GRK3: variants seen among roughly 807,000 people sequenced by gnomAD.
The protein encoded by GRK3 is G protein-coupled receptor kinase 3.
A neutral mutation model predicts 95.7 loss-of-function variants in GRK3; 54 were observed. That is an observed-to-expected ratio of 0.56 (90% CI 0.45 to 0.71). The LOEUF (loss-of-function observed/expected upper bound fraction) is 0.71. GRK3 is among the 30% of genes least tolerant of loss of function. The pLI, the probability that GRK3 is intolerant of heterozygous loss-of-function variation, is 0.00. For missense variants in GRK3, 649 were observed against 851.2 expected, an observed-to-expected ratio of 0.76 and a Z score of 2.96; for synonymous variants, 281 against 290.8, an observed-to-expected ratio of 0.97 and a Z score of 0.34.
intron 1 of GRK3, among the ~76,000 whole-genome samples, chr22:25,591,910 T>G (rs926076614): frequency 6.6e-6 from 1 of 152,248 alleles, no homozygotes; most frequent in Non-Finnish European, 1.5e-5. Flanking sequence ...GCTTCCAGCT[T>G]TTGACCATCA....
chr22:25,586,949 A>G (rs1279985117), intron 1 of GRK3, among the ~76,000 whole-genome samples: 1 of 150,096 alleles, frequency 6.7e-6, no homozygotes. Flanking sequence ...GCATGGCACG[A>G]TCTCAGCTCA....
At chr22:25,595,900 T>A (rs2084369317) in intron 1 of GRK3, among the ~76,000 whole-genome samples, 1 of 152,178 alleles carries the variant, frequency 6.6e-6, no homozygotes, top group South Asian at 2.1e-4. Flanking sequence ...TGAGCTATGA[T>A]CACACCACTG....
chr22:25,668,685 A>T (rs556827942), intron 6 of GRK3, among the ~76,000 whole-genome samples: 1 of 152,302 alleles, frequency 6.6e-6, no homozygotes, highest in Admixed American at 6.5e-5. Context: ...CATCAAAGGG[A>T]GAGGGTGGGC....
At chr22:25,568,184 G>A (rs1445010109) in intron 1 of GRK3, among the ~76,000 whole-genome samples, 1 of 152,156 alleles carries the variant, frequency 6.6e-6, no homozygotes, top group Non-Finnish European at 1.5e-5. Context: ...TTTACATCAT[G>A]TTGGAAAAGA....
At chr22:25,639,597 G>A (rs184351480) in intron 2 of GRK3, among the ~76,000 whole-genome samples, 11 of 152,214 alleles carry the variant, frequency 7.2e-5, no homozygotes, top group South Asian at 4.1e-4. Flanking sequence ...ATTGGATAGC[G>A]TTAAGGCTTT....
intron 2 of GRK3, among the ~76,000 whole-genome samples, chr22:25,637,125 C>G (rs929552694): frequency 1.3e-5 from 2 of 152,200 alleles, no homozygotes; most frequent in African/African-American, 4.8e-5. Context: ...TTCTCCTGCC[C>G]TTGGACATTG....
intron 9 of GRK3, among the ~76,000 whole-genome samples, chr22:25,681,435 G>T (rs540337674): frequency 6.6e-6 from 1 of 152,048 alleles, no homozygotes; most frequent in African/African-American, 2.4e-5. Context: ...GCCAGTGCAC[G>T]TGGCTCCTCT....
chr22:25,662,296 G>A (rs2084914372), intron 4 of GRK3, among the ~76,000 whole-genome samples: 1 of 152,212 alleles, frequency 6.6e-6, no homozygotes, highest in African/African-American at 2.4e-5. Context: ...CTGGCCTGCT[G>A]TATCAACGCA....
intron 3 of GRK3, among the ~76,000 whole-genome samples, chr22:25,646,033 A>T (rs1332868729): frequency 6.6e-6 from 1 of 152,112 alleles, no homozygotes; most frequent in Non-Finnish European, 1.5e-5. Context: ...TTACCTGCTT[A>T]CCAGAGTACA....
intron 2 of GRK3, among the ~76,000 whole-genome samples, chr22:25,642,674 G>A (rs1016698206): frequency 3.3e-5 from 5 of 152,036 alleles, no homozygotes; most frequent in Non-Finnish European, 2.9e-5. Context: ...ATGTCCATGT[G>A]TACCCATTGT....
chr22:25,669,460 A>C (rs935184388), intron 6 of GRK3, among the ~76,000 whole-genome samples: 1 of 152,164 alleles, frequency 6.6e-6, no homozygotes, highest in Non-Finnish European at 1.5e-5. Context: ...AGTTAAAAAC[A>C]CTTCTCCTAC....
chr22:25,668,796 G>A (rs1186637904), intron 6 of GRK3, among the ~76,000 whole-genome samples: 1 of 152,132 alleles, frequency 6.6e-6, no homozygotes, highest in Non-Finnish European at 1.5e-5. Context: ...CCTAACTTTT[G>A]TGTGATCCTT....
In GRK3 at chr22:25,700,610, C is replaced by T. The variant is rs111765734; in HGVS notation, c.1161-2900C>T. Among the ~76,000 whole-genome samples, 621 of 152,256 alleles carry T rather than the reference C, an allele frequency of 4.1e-3. 2 individuals are homozygous for T. The highest frequency in any genetic ancestry group is 0.014 in the African/African-American group (589 of 41,542). On this transcript the variant is annotated intron_variant, in intron 13 of 20. Transcript: ENST00000324198. ...GTATTTTATTTTATTTTATTTGAGA[C>T]GGCGTCTCGCTCTATTGCCCAGGCT... is the stretch of plus-strand genomic sequence containing the variant.
At chr22:25,609,835 G>A (rs1413677734) in intron 2 of GRK3, among the ~76,000 whole-genome samples, 2 of 148,400 alleles carry the variant, frequency 1.3e-5, no homozygotes, top group African/African-American at 5.0e-5. Flanking sequence ...CAAAAACTTT[G>A]CAATTTTTAC....
rs529779575 is a variant in GRK3, at chr22:25,605,258, C to T, written c.190+805C>T. Among the ~76,000 whole-genome samples, 14 of 152,326 alleles carry T rather than the reference C, an allele frequency of 9.2e-5. No individual in the cohort carries two copies. In the South Asian group the frequency reaches 2.9e-3, roughly 32 times the overall value. On this transcript the variant is annotated intron_variant, in intron 2 of 20. Coordinates refer to ENST00000324198, the MANE Select transcript of GRK3 (RefSeq NM_005160.4). Reference sequence around the variant, plus strand: ...TGACATTGGTCTGTCTGTGCCTGAGCACTGTGTGGAAAGTGATTGGTCTTT... The same window carrying T: ...TGACATTGGTCTGTCTGTGCCTGAGTACTGTGTGGAAAGTGATTGGTCTTT...
intron 7 of GRK3, among the ~76,000 whole-genome samples, chr22:25,673,844 G>T (rs2085004628): frequency 6.6e-6 from 1 of 151,960 alleles, no homozygotes; most frequent in African/African-American, 2.4e-5. Context: ...TACAGCCTCT[G>T]TATATACTTC....
intron 3 of GRK3, among the ~76,000 whole-genome samples, chr22:25,651,079 C>T (rs2084827273): frequency 6.6e-6 from 1 of 152,082 alleles, no homozygotes; most frequent in South Asian, 2.1e-4. Flanking sequence ...TAATGGCAGC[C>T]TAAACTTAAC....
chr22:25,589,687 A>T (rs1932431664), intron 1 of GRK3, among the ~76,000 whole-genome samples: 1 of 152,232 alleles, frequency 6.6e-6, no homozygotes, highest in Non-Finnish European at 1.5e-5. Flanking sequence ...AAATTGATAC[A>T]GCCATCACTC....
intron 1 of GRK3, among the ~76,000 whole-genome samples, chr22:25,593,816 T>C (rs1456876706): frequency 3.9e-5 from 6 of 152,326 alleles, no homozygotes; most frequent in Non-Finnish European, 5.9e-5. Context: ...TTCAATCTTC[T>C]GCATATGGCT....
Sources: gnomAD v4.1 joint callset for allele counts (sites outside exome capture counted in the v4.1 genomes callset) on GRCh38, gnomAD v4.1.1 for gene constraint, MANE v1.5 for transcripts, NCBI Gene and HGNC (gene_info 2026-07-23, HGNC 2026-07-21) for gene names.